Variants in SLC35F1 observed in about 807,000 individuals in gnomAD.
The protein encoded by SLC35F1 is chromosome 6 open reading frame 169.
Under a neutral mutation model 48.7 loss-of-function variants are expected in SLC35F1, and 14 were observed. That is an observed-to-expected ratio of 0.29 (90% CI 0.19 to 0.45). The LOEUF (loss-of-function observed/expected upper bound fraction) is 0.45, where lower values mean the gene tolerates loss of function less well. SLC35F1 is among the 20% of genes least tolerant of loss of function. SLC35F1 has a pLI of 1.00. For synonymous variants in SLC35F1, 190 were observed against 202.2 expected (o/e 0.94, Z 0.51); for missense variants, 404 against 500.0 (o/e 0.81, Z 1.83).
chr6:118,059,510 T>G (rs1404525459), intron 1 of SLC35F1, among the ~76,000 whole-genome samples: 1 of 152,224 alleles, frequency 6.6e-6, no homozygotes. Flanking sequence ...CCAGGTTATG[T>G]TGTGGTAACA....
chr6:118,216,473 A>AAAAAAGAAAAG (rs1394213675), intron 2 of SLC35F1, among the ~76,000 whole-genome samples: 1 of 151,418 alleles, frequency 6.6e-6, no homozygotes, highest in South Asian at 2.1e-4. Flanking sequence ...TTCAAAAAAA[A>AAAAAAGAAAAG]AAAAGAAAAG....
intron 1 of SLC35F1, among the ~76,000 whole-genome samples, chr6:118,054,568 C>CA (rs905054757): frequency 6.6e-6 from 1 of 151,800 alleles, no homozygotes; most frequent in African/African-American, 2.4e-5. Context: ...GCCATTTTGG[C>CA]AAAAAAAGGT....
intron 1 of SLC35F1, among the ~76,000 whole-genome samples, chr6:118,027,748 G>C (rs938399930): frequency 1.3e-5 from 2 of 152,066 alleles, no homozygotes; most frequent in Admixed American, 1.3e-4. Flanking sequence ...TTCCCCATCT[G>C]AGGCTGTCTT....
At chr6:118,288,843 G>A (rs1776082935) in intron 7 of SLC35F1, among the ~76,000 whole-genome samples, 1 of 151,990 alleles carries the variant, frequency 6.6e-6, no homozygotes. Context: ...TCTTCACCTA[G>A]TCACTCACCC....
chr6:117,939,202 G>A (rs1262336657), intron 1 of SLC35F1, among the ~76,000 whole-genome samples: 1 of 151,918 alleles, frequency 6.6e-6, no homozygotes, highest in Admixed American at 6.6e-5. Context: ...TGTAGAGACA[G>A]GGTCTCACTG....
intron 2 of SLC35F1, among the ~76,000 whole-genome samples, chr6:118,185,672 C>G (rs891751774): frequency 7.9e-5 from 12 of 152,086 alleles, no homozygotes; most frequent in African/African-American, 2.7e-4. Flanking sequence ...TGCACAACCC[C>G]AGGAAGTGAG....
intron 7 of SLC35F1, among the ~76,000 whole-genome samples, chr6:118,299,822 A>G (rs1482871455): frequency 6.6e-6 from 1 of 152,224 alleles, no homozygotes; most frequent in Non-Finnish European, 1.5e-5. Flanking sequence ...CACAGACCCC[A>G]CGAATTCTAT....
intron 1 of SLC35F1, among the ~76,000 whole-genome samples, chr6:118,037,257 A>G (rs929236633): frequency 6.6e-6 from 1 of 152,184 alleles, no homozygotes; most frequent in African/African-American, 2.4e-5. Context: ...AAGACAATAT[A>G]TAATTGAGTC....
At chr6:118,248,233 T>G (rs377418048) in intron 3 of SLC35F1, among the ~76,000 whole-genome samples, 9 of 152,302 alleles carry the variant, frequency 5.9e-5, no homozygotes, top group African/African-American at 2.2e-4. Flanking sequence ...TAAAAGAACT[T>G]TCCATTATTT....
At chr6:118,307,903 C>T (rs1448765780) in intron 7 of SLC35F1, among the ~76,000 whole-genome samples, 1 of 152,196 alleles carries the variant, frequency 6.6e-6, no homozygotes, top group Non-Finnish European at 1.5e-5. Flanking sequence ...AGGTATGATC[C>T]TCAGCCCTCT....
At chr6:118,173,766 AAGAG>A (rs549744400) in intron 2 of SLC35F1, among the ~76,000 whole-genome samples, 134 of 152,264 alleles carry the variant, frequency 8.8e-4, no homozygotes, top group African/African-American at 3.1e-3. Flanking sequence ...CAGGCAGAGA[AAGAG>A]AGAGAATTCC....
intron 1 of SLC35F1, among the ~76,000 whole-genome samples, chr6:118,044,214 C>G (rs1471874182): frequency 6.6e-6 from 1 of 152,128 alleles, no homozygotes; most frequent in Non-Finnish European, 1.5e-5. Flanking sequence ...CTCATTGCAC[C>G]CATCATCCAT....
At chr6:118,242,148 T>C (rs1334724492) in intron 3 of SLC35F1, among the ~76,000 whole-genome samples, 1 of 152,262 alleles carries the variant, frequency 6.6e-6, no homozygotes, top group African/African-American at 2.4e-5. Context: ...GCTGTCAAGC[T>C]AATTCCCATA....
At chr6:117,994,101 A>G (rs1000602274) in intron 1 of SLC35F1, among the ~76,000 whole-genome samples, 3 of 152,108 alleles carry the variant, frequency 2.0e-5, no homozygotes, top group Non-Finnish European at 4.4e-5. Flanking sequence ...AGCAGAATTA[A>G]GTTCCCTGTG....
intron 1 of SLC35F1, among the ~76,000 whole-genome samples, chr6:118,031,956 C>T (rs926872278): frequency 2.0e-5 from 3 of 152,104 alleles, no homozygotes; most frequent in Non-Finnish European, 4.4e-5. Context: ...CCCTAGTCCT[C>T]AATTTGGTTT....
intron 7 of SLC35F1, among the ~76,000 whole-genome samples, chr6:118,308,348 A>C (rs914754023): frequency 6.6e-6 from 1 of 152,242 alleles, no homozygotes. Flanking sequence ...AAGAATAAGC[A>C]GTACAGTTTT....
Position 118,314,174 on chromosome 6 carries a change from A to T in SLC35F1, c.1149A>T (p.Thr383=). 1 of 1,614,170 alleles carries T rather than the reference A, an allele frequency of 6.2e-7. No homozygotes were observed. The highest frequency in any genetic ancestry group is 8.5e-7 in the Non-Finnish European group (1 of 1,180,018). ...GACCTGTTGTGGACTTACCGACCAC[A>T]GCTCAGGTGGAACCCTCAGTCACCT... ...PSGPVVDLPT[T]AQVEPSVTYT... Residue 383 remains threonine (T), a synonymous_variant, in exon 8 of 8, where the codon ACA becomes ACT. Coordinates refer to ENST00000360388, the MANE Select transcript of SLC35F1 (RefSeq NM_001029858.4).
At chr6:118,076,881 C>A (rs1246653833) in intron 1 of SLC35F1, among the ~76,000 whole-genome samples, 1 of 151,926 alleles carries the variant, frequency 6.6e-6, no homozygotes, top group African/African-American at 2.4e-5. Context: ...GACGCTTTAC[C>A]ATATTTATTT....
chr6:118,145,229 T>C (rs552857633), intron 1 of SLC35F1, among the ~76,000 whole-genome samples: 1 of 152,324 alleles, frequency 6.6e-6, no homozygotes, highest in African/African-American at 2.4e-5. Flanking sequence ...CATGTGGTCT[T>C]TTCTGACTGG....
Sources: allele counts gnomAD v4.1 joint callset (sites outside exome capture counted in the v4.1 genomes callset), GRCh38; gene constraint gnomAD v4.1.1; transcripts MANE v1.5; gene names NCBI Gene and HGNC (gene_info 2026-07-23, HGNC 2026-07-21).